The following STK38L variants were observed in gnomAD, a reference collection of about 807,000 sequenced individuals.
STK38L encodes serine/threonine-protein kinase 38-like.
Under a neutral mutation model 59.7 loss-of-function variants are expected in STK38L, and 28 were observed. The observed-to-expected ratio is 0.47, with a 90% CI of 0.35 to 0.64. The LOEUF (loss-of-function observed/expected upper bound fraction) is 0.64, where lower values mean the gene tolerates loss of function less well. Among genes scored for constraint, STK38L ranks in the 30% least tolerant of loss-of-function variants. The pLI is 0.01. For missense variants in STK38L, 314 were observed against 555.8 expected, an observed-to-expected ratio of 0.56 and a Z score of 4.37; for synonymous variants, 162 against 176.8, an observed-to-expected ratio of 0.92 and a Z score of 0.66.
rs1172275911 is a variant in STK38L at position 27,324,223 on chromosome 12, G to A, written c.*1768G>A. On this transcript the variant is annotated 3_prime_UTR_variant, in exon 14 of 14. Transcript: ENST00000389032. ...CATTTTTCTAGTCTGGATTTTTTGA[G>A]TATTTAGGAAAGAGAGCTATTAAAA... 8.5e-6 allele frequency: 1 copy of A among 118,222 alleles called. No homozygotes were observed. Among genetic ancestry groups the A allele is most frequent in the Non-Finnish European group, 1.7e-5 (1 of 57,756 alleles). 7.3% of individuals were successfully genotyped at this position (118,222 alleles called of 1,614,324 possible).
At chr12:27,274,393 T>G (rs1023860667) in intron 1 of STK38L, among the ~76,000 whole-genome samples, 55 of 152,284 alleles carry the variant, frequency 3.6e-4, no homozygotes, top group African/African-American at 1.3e-3. Flanking sequence ...GAAATGATGG[T>G]GAGGATCATT....
chr12:27,304,516 C>T (rs1364217775), intron 3 of STK38L, among the ~76,000 whole-genome samples: 1 of 151,958 alleles, frequency 6.6e-6, no homozygotes, highest in Non-Finnish European at 1.5e-5. Flanking sequence ...ATTTACATGT[C>T]ATTAATATTT....
chr12:27,276,413 G>A (rs919987384), intron 1 of STK38L, among the ~76,000 whole-genome samples: 3 of 152,140 alleles, frequency 2.0e-5, no homozygotes, highest in Non-Finnish European at 4.4e-5. Context: ...CTGGCAGCCT[G>A]TCCCTGTGCT....
At chr12:27,319,471 T>G in intron 12 of STK38L, 48 bp downstream of exon 12, 1 of 1,351,938 alleles carries the variant, frequency 7.4e-7, no homozygotes, top group Non-Finnish European at 1.0e-6. Flanking sequence ...AAAACAAATT[T>G]CTAGAGTTGG....
intron 1 of STK38L, among the ~76,000 whole-genome samples, chr12:27,292,798 A>G (rs1187953270): frequency 6.6e-6 from 1 of 152,252 alleles, no homozygotes; most frequent in Non-Finnish European, 1.5e-5. Flanking sequence ...ATTACTTGAC[A>G]TCCACTTCCG....
Position 27,315,134 on chromosome 12 carries a change from T to C in STK38L, c.775+17T>C. 1.2e-6 allele frequency: 2 copies of C among 1,606,126 alleles called. No homozygotes were observed. Among genetic ancestry groups the C allele is most frequent in the Non-Finnish European group, 1.7e-6 (2 of 1,173,320 alleles). ...GTGACTTCTGTAAGTTTGGTTGTTG[T>C]TTTTCTTCTTTCCCCTGGTTAAGAT... On this transcript the variant is annotated intron_variant, in intron 8 of 13. Transcript: ENST00000389032.
At chr12:27,245,978 G>A (rs1361443601) in intron 1 of STK38L, among the ~76,000 whole-genome samples, 4 of 152,120 alleles carry the variant, frequency 2.6e-5, no homozygotes, top group Admixed American at 1.3e-4. Flanking sequence ...GAAAAAATTA[G>A]ACTTAGAAAA....
At position 27,314,542 on chromosome 12, in the gene STK38L, A is replaced by T; in HGVS notation, c.556A>T (p.Thr186Ser). 6.3e-7 allele frequency: 1 copy of T among 1,597,452 alleles called. No homozygotes were observed. Among genetic ancestry groups the T allele is most frequent in the Non-Finnish European group, 8.5e-7 (1 of 1,172,096 alleles). Reference sequence around the variant, plus strand: ...ATTGCTAATGAAGAAAGACACCTTGACAGAAGAGGAAACACAGTTCTACAT... The same window carrying T: ...ATTGCTAATGAAGAAAGACACCTTGTCAGAAGAGGAAACACAGTTCTACAT... ...MTLLMKKDTLTEEETQFYISE... is the reference protein window; with the variant it reads ...MTLLMKKDTLSEEETQFYISE... The change falls in exon 7 of 14, where the codon ACA becomes TCA. Residue 186 changes from threonine (T) to serine (S), a missense_variant. Physicochemically the swap from Thr to Ser is moderately conservative, Grantham distance 58 (BLOSUM62 1). This residue lies in a region of STK38L where 192 missense variants were observed against 316.9 expected (regional missense o/e 0.61). Coordinates refer to ENST00000389032, the MANE Select transcript of STK38L (RefSeq NM_015000.4).
At chr12:27,299,079 G>A (rs953291650) in intron 2 of STK38L, among the ~76,000 whole-genome samples, 7 of 152,138 alleles carry the variant, frequency 4.6e-5, no homozygotes, top group Admixed American at 3.3e-4. Context: ...ACAGAGAACT[G>A]ACAAGTAAGA....
At chr12:27,315,470 T>G in intron 9 of STK38L, 120 bp downstream of exon 9, 3 of 732,968 alleles carry the variant, frequency 4.1e-6, no homozygotes, top group Non-Finnish European at 6.5e-6. Context: ...TGGTAGCGCT[T>G]GCTCTGGGAT....
At chr12:27,298,526 A>G (rs1396053277) in intron 2 of STK38L, 2 of 152,256 alleles carry the variant, frequency 1.3e-5, no homozygotes, top group Non-Finnish European at 2.9e-5. Context: ...AATAAAAAAA[A>G]GAATGACATG....
At chr12:27,300,430 A>C (rs1944139747) in intron 2 of STK38L, 3 of 397,464 alleles carry the variant, frequency 7.5e-6, no homozygotes, top group Non-Finnish European at 1.5e-5. Context: ...GATTTCATGA[A>C]GTGTTAGTCT....
At chr12:27,248,593 C>T (rs1942906796) in intron 1 of STK38L, among the ~76,000 whole-genome samples, 1 of 152,184 alleles carries the variant, frequency 6.6e-6, no homozygotes, top group Admixed American at 6.5e-5. Context: ...AGGATCCAGA[C>T]TCTTCAGCTT....
At chr12:27,266,341 A>G (rs1011614588) in intron 1 of STK38L, among the ~76,000 whole-genome samples, 17 of 152,208 alleles carry the variant, frequency 1.1e-4, no homozygotes, top group Non-Finnish European at 2.2e-4. Flanking sequence ...GATAATTTAT[A>G]ATTTGATTCG....
chr12:27,259,917 T>C (rs1199410326), intron 1 of STK38L, among the ~76,000 whole-genome samples: 4 of 152,268 alleles, frequency 2.6e-5, no homozygotes, highest in Non-Finnish European at 4.4e-5. Flanking sequence ...GAGCTCTTTG[T>C]GCAGCCAGTC....
intron 1 of STK38L, among the ~76,000 whole-genome samples, chr12:27,251,528 AC>A (rs1252118796): frequency 6.6e-6 from 1 of 152,194 alleles, no homozygotes; most frequent in Non-Finnish European, 1.5e-5. Flanking sequence ...TAATATAAAC[AC>A]TTTATTTAAC....
intron 3 of STK38L, among the ~76,000 whole-genome samples, chr12:27,306,950 C>G (rs539777735): frequency 3.3e-5 from 5 of 151,952 alleles, no homozygotes; most frequent in African/African-American, 9.7e-5. Flanking sequence ...AGGATGGTCT[C>G]GATCTCCTGA....
rs1455860370 is a variant in STK38L, at chr12:27,308,371, A to C, written c.219A>C (p.Lys73Asn). The change falls in exon 4 of 14, where the codon AAA becomes AAC. Residue 73 changes from lysine (K) to asparagine (N), a missense_variant. By Grantham distance (94) the Lys-to-Asn change is moderately conservative. This residue lies in a region of STK38L where 192 missense variants were observed against 316.9 expected (regional missense o/e 0.61). Coordinates refer to ENST00000389032, the MANE Select transcript of STK38L (RefSeq NM_015000.4). The surrounding 1 kb of genome is among the most constrained non-coding windows in gnomAD (Gnocchi z 4.5). ...KKLRRSQHAR[K>N]ETEFLRLKRT... Reference sequence around the variant, plus strand: ...TACGTCGATCACAACACGCTCGCAAAGAAACAGAGTTCTTACGGCTCAAAA... The same window carrying C: ...TACGTCGATCACAACACGCTCGCAACGAAACAGAGTTCTTACGGCTCAAAA... 1.9e-6 allele frequency: 3 copies of C among 1,597,058 alleles called. No homozygotes were observed. The highest frequency in any genetic ancestry group is 2.6e-6 in the Non-Finnish European group (3 of 1,170,638).
chr12:27,283,160 C>G (rs1036452317), intron 1 of STK38L, among the ~76,000 whole-genome samples: 1 of 152,030 alleles, frequency 6.6e-6, no homozygotes, highest in East Asian at 1.9e-4. Context: ...TCTACAAGAT[C>G]GTAGACACCT....
Sources: gnomAD v4.1 joint callset for allele counts (sites outside exome capture counted in the v4.1 genomes callset) on GRCh38, gnomAD v4.1.1 for gene constraint, gnomAD v4.1.1 regional missense constraint, Gnocchi (gnomAD v3.1) non-coding constraint, MANE v1.5 for transcripts, NCBI Gene and HGNC (gene_info 2026-07-23, HGNC 2026-07-21) for gene names.